Variants in SPOCK1 observed in about 807,000 individuals in gnomAD.
SPOCK1 encodes SPARC (osteonectin), cwcv and kazal like domains proteoglycan 1, also known as testican-1.
A neutral mutation model predicts 55.3 loss-of-function variants in SPOCK1; 23 were observed. The observed-to-expected ratio is 0.42, with a 90% CI of 0.30 to 0.59. The LOEUF is 0.59. Ranked by LOEUF, SPOCK1 falls within the 20% of genes least tolerant of loss-of-function variation. The pLI, the probability that SPOCK1 is intolerant of heterozygous loss-of-function variation, is 0.22. For synonymous variants in SPOCK1, 226 were observed against 221.0 expected (o/e 1.02, Z -0.20); for missense variants, 499 against 552.5 (o/e 0.90, Z 0.97).
intron 6 of SPOCK1, among the ~76,000 whole-genome samples, chr5:136,999,318 AG>A (rs1361137701): frequency 2.0e-5 from 3 of 152,082 alleles, no homozygotes; most frequent in Admixed American, 6.5e-5. Flanking sequence ...TTTGGAGGAA[AG>A]AAGGGTTGCT....
chr5:137,042,346 T>A (rs186611522), intron 6 of SPOCK1, among the ~76,000 whole-genome samples: 1 of 152,164 alleles, frequency 6.6e-6, no homozygotes, highest in Non-Finnish European at 1.5e-5. Context: ...AGAATATTTT[T>A]AGAGTAATAA....
chr5:137,341,181 T>G (rs1750415971), intron 2 of SPOCK1, among the ~76,000 whole-genome samples: 1 of 152,248 alleles, frequency 6.6e-6, no homozygotes, highest in African/African-American at 2.4e-5. Context: ...CTGCACGCGC[T>G]TGGCAGACAC....
At chr5:137,116,376 G>A (rs907963327) in intron 4 of SPOCK1, among the ~76,000 whole-genome samples, 3 of 152,134 alleles carry the variant, frequency 2.0e-5, no homozygotes, top group African/African-American at 7.2e-5. Flanking sequence ...GGGTGCTGTG[G>A]CTCAACGCCT....
rs577885948 is a variant in SPOCK1, at chr5:137,296,088, T to C, written c.187-29033A>G. Among the ~76,000 whole-genome samples the C allele has an allele frequency of 1.1e-3, 170 of 152,290 alleles. 3 individuals are homozygous for C. The highest frequency in any genetic ancestry group is 4.0e-3 in the African/African-American group (168 of 41,560). On this transcript the variant is annotated intron_variant, in intron 2 of 10. Coordinates refer to ENST00000394945, the MANE Select transcript of SPOCK1 (RefSeq NM_004598.4). ...AGACCCTGAAGAGACCCCGCATTCCTTCTGCCACATGAGGACACAGTGAGA... is the reference window on the plus strand; with the variant it reads ...AGACCCTGAAGAGACCCCGCATTCCCTCTGCCACATGAGGACACAGTGAGA...
chr5:137,295,161 T>G (rs1464662286), intron 2 of SPOCK1, among the ~76,000 whole-genome samples: 3 of 152,264 alleles, frequency 2.0e-5, no homozygotes, highest in African/African-American at 7.2e-5. Flanking sequence ...TACCTAGATA[T>G]ACAACCAAAG....
At chr5:137,178,835 T>A (rs988737095) in intron 3 of SPOCK1, among the ~76,000 whole-genome samples, 3 of 152,210 alleles carry the variant, frequency 2.0e-5, no homozygotes, top group Non-Finnish European at 2.9e-5. Flanking sequence ...AGAGCAGTGA[T>A]CTTTTCTACC....
At chr5:137,357,420 G>A (rs1034474882) in intron 2 of SPOCK1, among the ~76,000 whole-genome samples, 2 of 152,208 alleles carry the variant, frequency 1.3e-5, no homozygotes, top group South Asian at 4.1e-4. Context: ...GGCACAGGGT[G>A]AGGCATTGGG....
At chr5:137,067,672 C>G in intron 6 of SPOCK1, 43 bp downstream of exon 6, 1 of 1,558,156 alleles carries the variant, frequency 6.4e-7, no homozygotes, top group Non-Finnish European at 8.8e-7. Context: ...TCTGTGACCC[C>G]CCATTCCTGC....
chr5:137,350,442 C>T (rs559454946), intron 2 of SPOCK1, among the ~76,000 whole-genome samples: 4 of 152,340 alleles, frequency 2.6e-5, no homozygotes, highest in East Asian at 3.9e-4. Flanking sequence ...TTCTGCACCA[C>T]GTGGCGTCAA....
intron 2 of SPOCK1, among the ~76,000 whole-genome samples, chr5:137,417,527 A>T (rs1227590879): frequency 6.6e-6 from 1 of 152,078 alleles, no homozygotes; most frequent in Non-Finnish European, 1.5e-5. Context: ...CCTTTGAGTC[A>T]GCCTTTCTCT....
intron 6 of SPOCK1, among the ~76,000 whole-genome samples, chr5:137,064,197 C>T (rs11746960): frequency 0.43 from 64,871 of 152,018 alleles, 16,705 homozygotes; most frequent in Non-Finnish European, 0.57. Context: ...GGAAAAGCCT[C>T]CCACCAATAC....
chr5:137,476,645 C>T (rs1753842854), intron 2 of SPOCK1, among the ~76,000 whole-genome samples: 1 of 152,108 alleles, frequency 6.6e-6, no homozygotes, highest in African/African-American at 2.4e-5. Context: ...ACATTTTTGG[C>T]TGGACACGGT....
At chr5:137,373,188 T>C (rs1173300685) in intron 2 of SPOCK1, among the ~76,000 whole-genome samples, 1 of 152,172 alleles carries the variant, frequency 6.6e-6, no homozygotes, top group Non-Finnish European at 1.5e-5. Flanking sequence ...AAGTATTCTG[T>C]TATAGCAGCA....
At chr5:137,010,421 C>T (rs975905150) in intron 6 of SPOCK1, among the ~76,000 whole-genome samples, 4 of 151,548 alleles carry the variant, frequency 2.6e-5, no homozygotes, top group African/African-American at 7.3e-5. Context: ...AATGGACTTG[C>T]GAGGAAGGGA....
chr5:137,039,808 A>G (rs995620623), intron 6 of SPOCK1, among the ~76,000 whole-genome samples: 11 of 152,212 alleles, frequency 7.2e-5, no homozygotes, highest in African/African-American at 2.2e-4. Context: ...GGAACCTTCT[A>G]TGCACCCAGA....
At chr5:137,056,014 C>A (rs1752292269) in intron 6 of SPOCK1, among the ~76,000 whole-genome samples, 1 of 152,210 alleles carries the variant, frequency 6.6e-6, no homozygotes, top group African/African-American at 2.4e-5. Flanking sequence ...CCACCAAAAT[C>A]TCAAGTACAT....
At chr5:137,471,628 A>C (rs915303151) in intron 2 of SPOCK1, among the ~76,000 whole-genome samples, 4 of 152,192 alleles carry the variant, frequency 2.6e-5, no homozygotes, top group African/African-American at 9.6e-5. Context: ...CCTGGTGACT[A>C]TTCTAAAGTA....
In SPOCK1 at chr5:137,385,834, G is replaced by A. The variant is rs139202860; in HGVS notation, c.186+112539C>T. On this transcript the variant is annotated intron_variant, in intron 2 of 10. Coordinates refer to ENST00000394945, the MANE Select transcript of SPOCK1 (RefSeq NM_004598.4). ...AATGCCTTCTGAATGTTCTTGAGCA[G>A]GGATCAGAAAACTTTTTCTGTCAAG... 3.8e-3 allele frequency among the ~76,000 whole-genome samples: 578 copies of A among 152,324 alleles called. 6 individuals are homozygous for A. Among genetic ancestry groups the A allele is most frequent in the African/African-American group, 0.013 (543 of 41,566 alleles).
chr5:137,295,464 G>A (rs1013610115), intron 2 of SPOCK1, among the ~76,000 whole-genome samples: 2 of 152,170 alleles, frequency 1.3e-5, no homozygotes, highest in South Asian at 2.1e-4. Flanking sequence ...CTGTTGGATC[G>A]AAGAGCTCAC....
Sources: gnomAD v4.1 joint callset for allele counts (sites outside exome capture counted in the v4.1 genomes callset) on GRCh38, gnomAD v4.1.1 for gene constraint, MANE v1.5 for transcripts, NCBI Gene and HGNC (gene_info 2026-07-23, HGNC 2026-07-21) for gene names.